Variants in CDRT4 observed in about 807,000 individuals in gnomAD.
CDRT4 encodes the protein CMT1A duplicated region transcript 4 protein.
For missense variants in CDRT4, 167 were observed against 193.1 expected, an observed-to-expected ratio of 0.87 and a Z score of 0.80; for synonymous variants, 64 against 69.6, an observed-to-expected ratio of 0.92 and a Z score of 0.40.
At chr17:15,454,426 G>A (rs1979393898) in intron 1 of CDRT4, among the ~76,000 whole-genome samples, 1 of 152,150 alleles carries the variant, frequency 6.6e-6, no homozygotes, top group Non-Finnish European at 1.5e-5. Context: ...CATCCGTATA[G>A]TCACTGGCAT....
intron 1 of CDRT4, among the ~76,000 whole-genome samples, chr17:15,460,245 C>T (rs1979688397): frequency 6.6e-6 from 1 of 152,126 alleles, no homozygotes; most frequent in East Asian, 1.9e-4. Flanking sequence ...ACCAGCACCC[C>T]TAATGAACCT....
At chr17:15,438,710 A>T (rs1326368562) in intron 3 of CDRT4, among the ~76,000 whole-genome samples, 1 of 152,218 alleles carries the variant, frequency 6.6e-6, no homozygotes. Flanking sequence ...TTAGAATAAG[A>T]CAAAGTTCAT....
intron 2 of CDRT4, among the ~76,000 whole-genome samples, chr17:15,440,643 C>A (rs1978718209): frequency 6.6e-6 from 1 of 152,138 alleles, no homozygotes; most frequent in Non-Finnish European, 1.5e-5. Context: ...ACCTTTCTAT[C>A]TCCTCTACCA....
intron 2 of CDRT4, chr17:15,444,122 G>A: frequency 7.8e-7 from 1 of 1,275,322 alleles, no homozygotes; most frequent in Admixed American, 1.7e-5. Flanking sequence ...TTAAAAACAA[G>A]GCAATCAGGA....
At chr17:15,444,149 A>G (rs939487871) in intron 2 of CDRT4, 1 of 1,270,364 alleles carries the variant, frequency 7.9e-7, no homozygotes, top group South Asian at 1.2e-5. Context: ...TGGATGGTAT[A>G]TATGTCTCTG....
intron 1 of CDRT4, among the ~76,000 whole-genome samples, chr17:15,454,411 C>G (rs1375570718): frequency 6.6e-6 from 1 of 152,128 alleles, no homozygotes; most frequent in Non-Finnish European, 1.5e-5. Flanking sequence ...CAGCCCTGAG[C>G]AGAACATCCG....
intron 2 of CDRT4, among the ~76,000 whole-genome samples, chr17:15,447,224 T>C (rs958022487): frequency 2.6e-5 from 4 of 152,204 alleles, no homozygotes; most frequent in Non-Finnish European, 5.9e-5. Context: ...ACTAAGCATC[T>C]CATACATCAG....
chr17:15,438,507 T>C (rs1051905337), intron 3 of CDRT4, among the ~76,000 whole-genome samples: 23 of 152,202 alleles, frequency 1.5e-4, no homozygotes, highest in Admixed American at 3.3e-4. Flanking sequence ...CCAATAAAAA[T>C]GGTTAGTCTA....
At chr17:15,462,805 G>A (rs541086288) in intron 1 of CDRT4, among the ~76,000 whole-genome samples, 2 of 152,284 alleles carry the variant, frequency 1.3e-5, no homozygotes, top group South Asian at 2.1e-4. Flanking sequence ...GACCTCTGAG[G>A]ATTAGAGAAA....
At chr17:15,458,174 T>C (rs895110702) in intron 1 of CDRT4, among the ~76,000 whole-genome samples, 4 of 152,144 alleles carry the variant, frequency 2.6e-5, no homozygotes, top group Non-Finnish European at 5.9e-5. Context: ...CATCTCTCAA[T>C]AGCCATATGC....
intron 2 of CDRT4, among the ~76,000 whole-genome samples, chr17:15,442,219 T>C (rs1353835004): frequency 1.3e-5 from 2 of 152,146 alleles, no homozygotes; most frequent in Non-Finnish European, 2.9e-5. Flanking sequence ...GAGATCAGCC[T>C]GGCTAACATG....
In CDRT4 at chr17:15,437,620, G is replaced by T; in HGVS notation, c.*153C>A. The T allele has an allele frequency of 1.3e-6, 1 of 772,644 alleles. No homozygotes were observed. The highest frequency in any genetic ancestry group is 2.0e-6 in the Non-Finnish European group (1 of 489,672). 47.9% of individuals were successfully genotyped at this position (772,644 alleles called of 1,614,324 possible). On this transcript the variant is annotated 3_prime_UTR_variant, in exon 4 of 4. Coordinates refer to ENST00000619038, the MANE Select transcript of CDRT4 (RefSeq NM_001204477.2). ...CACCTACAGCTTGCATTCTGATCTG[G>T]TTTCTCTTAGCCAAGCTCCGCATGA...
intron 1 of CDRT4, among the ~76,000 whole-genome samples, chr17:15,460,601 C>A (rs1979701863): frequency 6.6e-6 from 1 of 152,150 alleles, no homozygotes; most frequent in African/African-American, 2.4e-5. Flanking sequence ...CGTGATCAAA[C>A]ATGTTGCCCC....
intron 1 of CDRT4, among the ~76,000 whole-genome samples, chr17:15,458,280 C>T (rs1288120986): frequency 6.6e-6 from 1 of 152,170 alleles, no homozygotes; most frequent in Non-Finnish European, 1.5e-5. Flanking sequence ...GACACTGCCC[C>T]TTAAATCACT....
chr17:15,443,882 G>A, intron 2 of CDRT4: 1 of 622,834 alleles, frequency 1.6e-6, no homozygotes, highest in Non-Finnish European at 3.1e-6. Flanking sequence ...GTGTCACACT[G>A]GGCTTCCACT....
At chr17:15,460,462 G>A (rs1458012257) in intron 1 of CDRT4, among the ~76,000 whole-genome samples, 1 of 152,008 alleles carries the variant, frequency 6.6e-6, no homozygotes, top group African/African-American at 2.4e-5. Flanking sequence ...TTAACCCATT[G>A]AGCCTTCCCA....
rs573832493 is a variant in CDRT4, at chr17:15,446,266, GGC to G, written c.-47-5983_-47-5982del. Among the ~76,000 whole-genome samples the G allele has an allele frequency of 4.6e-5, 7 of 152,112 alleles. No individual in the cohort carries two copies. In the South Asian group the frequency reaches 1.5e-3, roughly 32 times the overall value. ...GAGTGCACACCTACGGATTCTCAGT[GGC>G]GCCCCCTTCTGACTCTCTCCACTTC... On this transcript the variant is annotated intron_variant, in intron 2 of 3. Coordinates refer to ENST00000619038, the MANE Select transcript of CDRT4 (RefSeq NM_001204477.2).
chr17:15,439,571 C>T (rs1392595780), intron 3 of CDRT4, among the ~76,000 whole-genome samples: 1 of 152,198 alleles, frequency 6.6e-6, no homozygotes, highest in Admixed American at 6.5e-5. Flanking sequence ...CAAATTCAAA[C>T]GCCTGGAGCA....
rs180724100 is a variant in CDRT4, at chr17:15,464,749, T to G, written c.-130+2711A>C. Among the ~76,000 whole-genome samples the G allele has an allele frequency of 1.3e-4, 20 of 152,312 alleles. No individual in the cohort carries two copies. Among genetic ancestry groups the G allele is most frequent in the Admixed American group, 1.3e-3 (20 of 15,304 alleles). ...CCCCAAGCTTCCGTTACTTGTATTT[T>G]GCTCCTTTTCTCTGCCAAAATCCCC... On this transcript the variant is annotated intron_variant, in intron 1 of 3. Coordinates refer to ENST00000619038, the MANE Select transcript of CDRT4 (RefSeq NM_001204477.2). The surrounding 1 kb of genome is among the most constrained non-coding windows in gnomAD (Gnocchi z 4.5).
Sources: gnomAD v4.1 joint callset for allele counts (sites outside exome capture counted in the v4.1 genomes callset) on GRCh38, gnomAD v4.1.1 for gene constraint, Gnocchi (gnomAD v3.1) non-coding constraint, MANE v1.5 for transcripts, NCBI Gene and HGNC (gene_info 2026-07-23, HGNC 2026-07-21) for gene names.